Variants in TENM3 observed in about 807,000 individuals in gnomAD.
The protein encoded by TENM3 is teneurin-3.
In TENM3, 63 loss-of-function variants were observed where a neutral mutation model predicts 255.1. That is an observed-to-expected ratio of 0.25 (90% CI 0.20 to 0.30). The LOEUF is 0.30. TENM3 is among the 10% of genes least tolerant of loss of function. The pLI is 1.00. For synonymous variants in TENM3, 1,306 were observed against 1,322.3 expected, an observed-to-expected ratio of 0.99 and a Z score of 0.27; for missense variants, 2,929 against 3,461.1, an observed-to-expected ratio of 0.85 and a Z score of 3.86.
At chr4:182,119,073 A>G in the TENM3 span, among the ~76,000 whole-genome samples, 2 of 152,114 alleles carry the variant, frequency 1.3e-5, no homozygotes, top group Admixed American at 1.3e-4. Flanking sequence ...AACTGTTGTC[A>G]CCATTGCTTC....
At chr4:181,937,919 C>T in the TENM3 span, among the ~76,000 whole-genome samples, 1 of 152,156 alleles carries the variant, frequency 6.6e-6, no homozygotes, top group African/African-American at 2.4e-5. Flanking sequence ...TCAGGTGAGC[C>T]TGAAGAGATG....
At chr4:182,755,738 G>A (rs925633132) in intron 22 of TENM3, among the ~76,000 whole-genome samples, 1 of 152,098 alleles carries the variant, frequency 6.6e-6, no homozygotes, top group African/African-American at 2.4e-5. Flanking sequence ...TACTCGGGAG[G>A]CTGAGGCAGG....
intron 1 of TENM3, among the ~76,000 whole-genome samples, chr4:182,251,321 A>G (rs1449734284): frequency 6.6e-6 from 1 of 152,122 alleles, no homozygotes; most frequent in Admixed American, 6.5e-5. Flanking sequence ...ATAAAAAATT[A>G]TCCAGGCATT....
the TENM3 span, among the ~76,000 whole-genome samples, chr4:181,478,623 A>G: frequency 6.6e-6 from 1 of 152,212 alleles, no homozygotes; most frequent in South Asian, 2.1e-4. Flanking sequence ...ATCTTCAAGG[A>G]ATTTATTAAT....
intron 1 of TENM3, among the ~76,000 whole-genome samples, chr4:182,291,449 C>T (rs905496860): frequency 3.3e-5 from 5 of 152,096 alleles, no homozygotes; most frequent in African/African-American, 4.8e-5. Context: ...GGAAATAAGG[C>T]GCACACATCA....
Position 182,681,939 on chromosome 4 carries a change from G to A in TENM3, c.1960G>A (p.Gly654Ser), listed in dbSNP as rs371272255. The A allele has an allele frequency of 1.3e-5, 21 of 1,613,818 alleles. No homozygotes were observed. Among genetic ancestry groups the A allele is most frequent in the South Asian group, 6.6e-5 (6 of 91,072 alleles). Residue 654 changes from glycine to serine, a missense_variant, in exon 11 of 28, where the codon GGC (glycine) becomes AGC (serine). This residue lies in a region of TENM3 where 1,608 missense variants were observed against 1,884.4 expected (regional missense o/e 0.85). Transcript: ENST00000511685. ...GACCATGTGTCCAGACCAGTGCTCC[G>A]GCCACGGAACGTATCTTCAAGAAAG... The part of the protein sequence containing the change: ...LKTMCPDQCS[G>S]HGTYLQESGS...
At chr4:182,167,883 T>A (rs1230969189) in intron 1 of TENM3, among the ~76,000 whole-genome samples, 2 of 151,894 alleles carry the variant, frequency 1.3e-5, no homozygotes, top group Non-Finnish European at 2.9e-5. Flanking sequence ...GACCTTGTCT[T>A]AAATAAATAA....
the TENM3 span, among the ~76,000 whole-genome samples, chr4:182,016,194 TCA>T: frequency 1.3e-5 from 2 of 152,192 alleles, no homozygotes; most frequent in African/African-American, 4.8e-5. Context: ...ATGTGCTCTA[TCA>T]CACGAAACAT....
intron 1 of TENM3, among the ~76,000 whole-genome samples, chr4:182,255,708 A>G (rs577956849): frequency 6.6e-6 from 1 of 152,306 alleles, no homozygotes; most frequent in South Asian, 2.1e-4. Context: ...AGCCTGCCAG[A>G]ATTGGGCTTA....
the TENM3 span, among the ~76,000 whole-genome samples, chr4:181,548,188 TA>T: frequency 6.6e-6 from 1 of 152,114 alleles, no homozygotes; most frequent in East Asian, 1.9e-4. Context: ...TGTGGAGAAA[TA>T]GGAACATTTT....
chr4:181,878,373 G>A, the TENM3 span, among the ~76,000 whole-genome samples: 1 of 152,008 alleles, frequency 6.6e-6, no homozygotes, highest in African/African-American at 2.4e-5. Flanking sequence ...CGGAATTGGG[G>A]AAAGTTCTTA....
chr4:182,165,185 C>G (rs1452075252), intron 1 of TENM3, among the ~76,000 whole-genome samples: 1 of 152,188 alleles, frequency 6.6e-6, no homozygotes, highest in Non-Finnish European at 1.5e-5. Flanking sequence ...CAGGGAAACT[C>G]AGATCCCTCA....
chr4:181,726,814 A>T, the TENM3 span, among the ~76,000 whole-genome samples: 1 of 152,306 alleles, frequency 6.6e-6, no homozygotes, highest in Non-Finnish European at 1.5e-5. Context: ...TGACAACAGC[A>T]AGCCCCAGGT....
intron 3 of TENM3, among the ~76,000 whole-genome samples, chr4:182,408,553 T>TA (rs780958071): frequency 7.2e-5 from 11 of 152,090 alleles, no homozygotes; most frequent in African/African-American, 7.2e-5. Flanking sequence ...GAGAGCATGG[T>TA]AAAGGTGGGA....
chr4:182,111,602 G>A, the TENM3 span, among the ~76,000 whole-genome samples: 2 of 152,168 alleles, frequency 1.3e-5, no homozygotes, highest in Non-Finnish European at 2.9e-5. Context: ...ATGCTTCTAT[G>A]GGCAGACAGC....
At chr4:181,912,944 G>A in the TENM3 span, among the ~76,000 whole-genome samples, 1 of 152,072 alleles carries the variant, frequency 6.6e-6, no homozygotes, top group African/African-American at 2.4e-5. Context: ...GAGCTGGCAG[G>A]GCTTCTGTGC....
chr4:181,984,707 A>G, the TENM3 span, among the ~76,000 whole-genome samples: 19 of 152,130 alleles, frequency 1.2e-4, no homozygotes, highest in African/African-American at 4.6e-4. Flanking sequence ...TTACTGTGAC[A>G]TTAATGTACT....
intron 20 of TENM3, among the ~76,000 whole-genome samples, chr4:182,752,744 C>A (rs938881032): frequency 6.6e-6 from 1 of 151,926 alleles, no homozygotes; most frequent in Non-Finnish European, 1.5e-5. Context: ...AAAACACTAA[C>A]CTTGGCTTAG....
At chr4:182,290,383 C>T (rs1429580202) in intron 1 of TENM3, among the ~76,000 whole-genome samples, 1 of 152,208 alleles carries the variant, frequency 6.6e-6, no homozygotes, top group East Asian at 1.9e-4. Context: ...GTTCTTGGGA[C>T]AACTCTGCCA....
Sources: gnomAD v4.1 joint callset for allele counts (sites outside exome capture counted in the v4.1 genomes callset) on GRCh38, gnomAD v4.1.1 for gene constraint, gnomAD v4.1.1 regional missense constraint, MANE v1.5 for transcripts, NCBI Gene and HGNC (gene_info 2026-07-23, HGNC 2026-07-21) for gene names.